GTF2E1: variants seen among roughly 807,000 people sequenced by gnomAD.
The protein encoded by GTF2E1 is TFIIE alpha subunit.
In GTF2E1, 14 loss-of-function variants were observed where a neutral mutation model predicts 34.9. The observed-to-expected ratio is 0.40, with a 90% CI of 0.27 to 0.63. The LOEUF (loss-of-function observed/expected upper bound fraction) is 0.63. Among genes scored for constraint, GTF2E1 ranks in the 20% least tolerant of loss-of-function variants. The pLI, the probability that GTF2E1 is intolerant of heterozygous loss-of-function variation, is 0.39. For missense variants in GTF2E1, 469 were observed against 557.7 expected, an observed-to-expected ratio of 0.84 and a Z score of 1.60; for synonymous variants, 188 against 192.9, an observed-to-expected ratio of 0.97 and a Z score of 0.21.
At chr3:120,761,786 A>ATTTT (rs35658998) in intron 2 of GTF2E1, among the ~76,000 whole-genome samples, 7 of 120,146 alleles carry the variant, frequency 5.8e-5, no homozygotes, top group African/African-American at 1.0e-4. Flanking sequence ...TCTGAGAGAC[A>ATTTT]TTTTTTTTTT....
chr3:120,768,691 A>G (rs144294680), intron 2 of GTF2E1, among the ~76,000 whole-genome samples: 4 of 152,292 alleles, frequency 2.6e-5, no homozygotes, highest in African/African-American at 4.8e-5. Flanking sequence ...TTCGAGAGCT[A>G]TATTCAACCC....
At chr3:120,773,373 C>T (rs1709368536) in intron 3 of GTF2E1, among the ~76,000 whole-genome samples, 1 of 152,098 alleles carries the variant, frequency 6.6e-6, no homozygotes, top group South Asian at 2.1e-4. Flanking sequence ...GGTATGGGAA[C>T]TCAGAGATGA....
chr3:120,745,382 C>T (rs1260874272), intron 1 of GTF2E1, among the ~76,000 whole-genome samples: 1 of 152,110 alleles, frequency 6.6e-6, no homozygotes, highest in Non-Finnish European at 1.5e-5. Flanking sequence ...GCAAAGGAAA[C>T]AGGCTGAGCA....
rs1709159369 is a variant in GTF2E1 at position 120,750,883 on chromosome 3, A to G, written c.331A>G (p.Arg111Gly). 1.2e-6 allele frequency: 2 copies of G among 1,613,848 alleles called. No homozygotes were observed. Among genetic ancestry groups the G allele is most frequent in the Admixed American group, 1.7e-5 (1 of 59,960 alleles). ...GGTAAAATATAAACTGGACCACATGAGAAGAAGAATTGAGACCGATGAGAG... is the reference window on the plus strand; with the variant it reads ...GGTAAAATATAAACTGGACCACATGGGAAGAAGAATTGAGACCGATGAGAG... ...NVVKYKLDHM[R>G]RRIETDERDS... The change falls in exon 2 of 5, where the codon AGA (arginine) becomes GGA (glycine). Residue 111 changes from arginine to glycine, a missense_variant. Transcript: ENST00000283875.
At chr3:120,743,813 T>G (rs1304931403) in intron 1 of GTF2E1, among the ~76,000 whole-genome samples, 2 of 152,186 alleles carry the variant, frequency 1.3e-5, no homozygotes, top group Non-Finnish European at 2.9e-5. Context: ...TGGCTGGTTA[T>G]GAGGCTGACA....
At chr3:120,743,530 A>G (rs1265033465) in intron 1 of GTF2E1, among the ~76,000 whole-genome samples, 2 of 152,210 alleles carry the variant, frequency 1.3e-5, no homozygotes, top group Admixed American at 1.3e-4. Flanking sequence ...CTGGAAATTA[A>G]TTGGTGAACA....
chr3:120,774,581 A>G (rs545145773), intron 3 of GTF2E1, among the ~76,000 whole-genome samples: 1 of 152,146 alleles, frequency 6.6e-6, no homozygotes, highest in South Asian at 2.1e-4. Context: ...AGAAAGAAAT[A>G]GCAGAGAGAA....
rs1709346457 is a variant in GTF2E1, at chr3:120,771,004, A to G, written c.650+75A>G. ...TGTTTTAACTACCTGTACCTTGGAG[A>G]ACAAGAGTGGGTAATTTACTAGGAG... On this transcript the variant is annotated intron_variant, in intron 3 of 4. Transcript: ENST00000283875. 4.2e-6 allele frequency: 5 copies of G among 1,186,772 alleles called. No individual in the cohort carries two copies. The South Asian group carries it at 6.2e-5, about 15-fold the overall frequency. 73.5% of individuals were successfully genotyped at this position (1,186,772 alleles called of 1,614,324 possible).
chr3:120,764,584 T>C (rs1475785780), intron 2 of GTF2E1, among the ~76,000 whole-genome samples: 4 of 152,226 alleles, frequency 2.6e-5, no homozygotes, highest in African/African-American at 9.6e-5. Context: ...TTGTGGGCAT[T>C]AGCTGATGGC....
chr3:120,743,096 C>CA (rs1427549041), intron 1 of GTF2E1: 1 of 155,870 alleles, frequency 6.4e-6, no homozygotes, highest in East Asian at 1.9e-4. Flanking sequence ...TCGTGGAGGG[C>CA]AGCTGGGTCC....
In GTF2E1 at chr3:120,769,660, C is replaced by T. The variant is rs140959224; in HGVS notation, c.449-1068C>T. 2.7e-3 allele frequency among the ~76,000 whole-genome samples: 404 copies of T among 152,218 alleles called. 2 individuals carry two copies. Among genetic ancestry groups the T allele is most frequent in the African/African-American group, 9.4e-3 (392 of 41,538 alleles). On this transcript the variant is annotated intron_variant, in intron 2 of 4. Coordinates refer to ENST00000283875, the MANE Select transcript of GTF2E1 (RefSeq NM_005513.3). The stretch of plus-strand genomic sequence containing the variant: ...CATGGAGTCCTTGCTTTTGTCTGTT[C>T]TCAGACGCAATTCCACAGTGGCTTG...
At chr3:120,780,219 G>C (rs931288829) in intron 4 of GTF2E1, among the ~76,000 whole-genome samples, 1 of 152,166 alleles carries the variant, frequency 6.6e-6, no homozygotes. Context: ...ATAAATATCT[G>C]TTGTGGTAGA....
Position 120,743,158 on chromosome 3 carries a change from A to G in GTF2E1, c.-31+364A>G, listed in dbSNP as rs1016888830. Reference sequence around the variant, plus strand: ...TGTGTGTGAAGGCGTGGAAAGTGCCATGAAATGTGGTAACACAACACCGCA... The same window carrying G: ...TGTGTGTGAAGGCGTGGAAAGTGCCGTGAAATGTGGTAACACAACACCGCA... On this transcript the variant is annotated intron_variant, in intron 1 of 4. Transcript: ENST00000283875. Among the ~76,000 whole-genome samples, 3 of 152,262 alleles carry G rather than the reference A, an allele frequency of 2.0e-5. No homozygotes were observed. In the East Asian group the frequency reaches 5.8e-4, roughly 29 times the overall value.
rs1709456131 is a variant in GTF2E1, at chr3:120,782,355, T to C, written c.*885T>C. 2 of 152,236 alleles carry C rather than the reference T, an allele frequency of 1.3e-5. No individual in the cohort carries two copies. Among genetic ancestry groups the C allele is most frequent in the South Asian group, 4.1e-4 (2 of 4,830 alleles). 9.4% of individuals were successfully genotyped at this position (152,236 alleles called of 1,614,324 possible). A position where few individuals can be genotyped will look rare whatever the true frequency, so the allele number is the denominator to read the frequency against. On this transcript the variant is annotated 3_prime_UTR_variant, in exon 5 of 5. Coordinates refer to ENST00000283875, the MANE Select transcript of GTF2E1 (RefSeq NM_005513.3). ...TGATTAATGTCTAAACCAGAATTTG[T>C]GTCTTTAGAACTGACCAGACTGGTA...
intron 1 of GTF2E1, among the ~76,000 whole-genome samples, chr3:120,745,119 C>T (rs184284599): frequency 5.3e-5 from 8 of 152,290 alleles, no homozygotes; most frequent in African/African-American, 1.9e-4. Flanking sequence ...CTAGGCTTGT[C>T]TTCAACTTCT....
rs976358433 is a variant in GTF2E1, at chr3:120,781,650, G to A, written c.*180G>A. On this transcript the variant is annotated 3_prime_UTR_variant, in exon 5 of 5. Coordinates refer to ENST00000283875, the MANE Select transcript of GTF2E1 (RefSeq NM_005513.3). ...GCCAGAAACTTTCCCAGCAAGGTAG[G>A]GTGCTGAGAATCCTACCCTTCCTTG... 3.4e-6 allele frequency: 2 copies of A among 594,660 alleles called. No homozygotes were observed. Among genetic ancestry groups the A allele is most frequent in the Non-Finnish European group, 6.0e-6 (2 of 334,198 alleles). 36.8% of individuals were successfully genotyped at this position (594,660 alleles called of 1,614,324 possible).
intron 4 of GTF2E1, among the ~76,000 whole-genome samples, chr3:120,779,821 A>G (rs1348289043): frequency 6.6e-6 from 1 of 152,228 alleles, no homozygotes; most frequent in Non-Finnish European, 1.5e-5. Flanking sequence ...GAGAGATGAA[A>G]TAACTTGGCC....
chr3:120,756,581 A>AT (rs1559830892), intron 2 of GTF2E1, among the ~76,000 whole-genome samples: 1 of 152,110 alleles, frequency 6.6e-6, no homozygotes, highest in South Asian at 2.1e-4. Context: ...TTTAGGTCTG[A>AT]TTTTTTAAAA....
At chr3:120,746,972 A>G (rs754835761) in intron 1 of GTF2E1, among the ~76,000 whole-genome samples, 12 of 152,238 alleles carry the variant, frequency 7.9e-5, no homozygotes, top group Admixed American at 6.5e-5. Context: ...GGTAGTTGAT[A>G]CTATCCTTAC....
Sources: gnomAD v4.1 joint callset for allele counts (sites outside exome capture counted in the v4.1 genomes callset) on GRCh38, gnomAD v4.1.1 for gene constraint, MANE v1.5 for transcripts, NCBI Gene and HGNC (gene_info 2026-07-23, HGNC 2026-07-21) for gene names.